The following POT1 variants were observed in gnomAD, a reference collection of about 807,000 sequenced individuals.
POT1 encodes protection of telomeres 1.
In POT1, 47 loss-of-function variants were observed where a neutral mutation model predicts 78.5. That is an observed-to-expected ratio of 0.60 (90% CI 0.47 to 0.76). POT1 has a LOEUF of 0.76. POT1 is among the 30% of genes least tolerant of loss of function. The pLI, the probability that POT1 is intolerant of heterozygous loss-of-function variation, is 0.00. For synonymous variants in POT1, 259 were observed against 260.7 expected (o/e 0.99, Z 0.06); for missense variants, 646 against 749.9 (o/e 0.86, Z 1.62).
intron 6 of POT1, among the ~76,000 whole-genome samples, chr7:124,873,947 G>A (rs1795929795): frequency 2.0e-5 from 3 of 152,156 alleles, no homozygotes; most frequent in Admixed American, 1.3e-4. Flanking sequence ...GAGCCACTGG[G>A]ATTAAGGGTG....
intron 16 of POT1, 56 bp from the exon 17 acceptor site, chr7:124,827,361 G>A: frequency 9.7e-7 from 1 of 1,029,192 alleles, no homozygotes; most frequent in Non-Finnish European, 1.4e-6. Flanking sequence ...TATTATCAAG[G>A]TAAAGTTAAA....
chr7:124,856,431 AAC>A (rs202177948), intron 9 of POT1, among the ~76,000 whole-genome samples: 5,258 of 151,684 alleles, frequency 0.035, 300 homozygotes, highest in African/African-American at 0.12. Context: ...CTTCACAGAA[AAC>A]ACAGTGCCAT....
chr7:124,882,976 G>C (rs921310504), intron 6 of POT1, among the ~76,000 whole-genome samples: 1 of 151,952 alleles, frequency 6.6e-6, no homozygotes, highest in Non-Finnish European at 1.5e-5. Flanking sequence ...AAAATTGATA[G>C]AATAGCTGGA....
chr7:124,834,934 TC>T (rs1266709854), intron 15 of POT1, among the ~76,000 whole-genome samples: 1 of 152,282 alleles, frequency 6.6e-6, no homozygotes. Context: ...TGAGTTCATG[TC>T]CTTGCCAGGC....
intron 2 of POT1, among the ~76,000 whole-genome samples, chr7:124,920,224 GC>G (rs1442420541): frequency 6.6e-6 from 1 of 151,968 alleles, no homozygotes; most frequent in Non-Finnish European, 1.5e-5. Context: ...GGATAAATAG[GC>G]TGCAACAAAA....
At chr7:124,833,282 C>T (rs1044347415) in intron 15 of POT1, among the ~76,000 whole-genome samples, 1 of 152,110 alleles carries the variant, frequency 6.6e-6, no homozygotes, top group Non-Finnish European at 1.5e-5. Flanking sequence ...CAATGCCTAA[C>T]AGTGACTTTA....
At chr7:124,851,489 T>C (rs1795304684) in intron 11 of POT1, among the ~76,000 whole-genome samples, 1 of 152,190 alleles carries the variant, frequency 6.6e-6, no homozygotes, top group Non-Finnish European at 1.5e-5. Context: ...CTAGTAACTA[T>C]GTATACATCT....
chr7:124,888,586 T>C lies in POT1; in HGVS notation c.124+3680A>G, dbSNP rs974994638. On this transcript the variant is annotated intron_variant, in intron 6 of 18. Transcript: ENST00000357628. The stretch of plus-strand genomic sequence containing the variant: ...GTTAATAAAGGCATAACTCATGTAA[T>C]TGTACTTTACTTTGTTGTACTTTGT... 2.6e-5 allele frequency among the ~76,000 whole-genome samples: 4 copies of C among 152,192 alleles called. No homozygotes were observed. The South Asian group carries it at 8.3e-4, about 32-fold the overall frequency.
rs904242272 is a variant in POT1, at chr7:124,841,128, G to A, written c.1214C>T (p.Ala405Val). The A allele has an allele frequency of 6.8e-6, 11 of 1,612,556 alleles. No individual in the cohort carries two copies. The Admixed American group carries it at 1.5e-4, about 22-fold the overall frequency. The part of the protein sequence containing the change: ...GDLDIIFQDG[A>V]TKTPDVKLQN... ...TAGCTTGACATCTGGGGTTTTAGTT[G>A]CACCATCCTGAAAAATTATATCCAA... Residue 405 changes from alanine to valine, a missense_variant, in exon 14 of 19, where the codon GCA (alanine) becomes GTA (valine). Transcript: ENST00000357628.
At chr7:124,886,837 A>T (rs989075566) in intron 6 of POT1, among the ~76,000 whole-genome samples, 4 of 152,274 alleles carry the variant, frequency 2.6e-5, no homozygotes, top group African/African-American at 9.6e-5. Flanking sequence ...ATAACAACTG[A>T]AAATTAATGT....
At chr7:124,864,066 A>G (rs964223179) in intron 7 of POT1, among the ~76,000 whole-genome samples, 2 of 152,204 alleles carry the variant, frequency 1.3e-5, no homozygotes, top group Admixed American at 6.6e-5. Flanking sequence ...AATGAAGCTC[A>G]GGCTAGAGTT....
rs2116567176 is a variant in POT1, at chr7:124,870,908, T to C, written c.255+3A>G. ...TATAAGTTCTAGACAATATGAATTA[T>C]ACCTTCAGCCTGTGAAAGCGAACAA... On this transcript the variant is annotated splice_donor_region_variant and intron_variant, in intron 7 of 18. Coordinates refer to ENST00000357628, the MANE Select transcript of POT1 (RefSeq NM_015450.3). 6.2e-7 allele frequency: 1 copy of C among 1,601,860 alleles called. No homozygotes were observed. Among genetic ancestry groups the C allele is most frequent in the Non-Finnish European group, 8.5e-7 (1 of 1,174,168 alleles).
chr7:124,884,479 A>C (rs1000972340), intron 6 of POT1, among the ~76,000 whole-genome samples: 9 of 152,142 alleles, frequency 5.9e-5, no homozygotes, highest in Non-Finnish European at 1.2e-4. Flanking sequence ...CTTTTCTAAA[A>C]TGAGTTTTAA....
At chr7:124,907,142 T>C (rs988866210) in intron 3 of POT1, among the ~76,000 whole-genome samples, 2 of 152,112 alleles carry the variant, frequency 1.3e-5, no homozygotes, top group Non-Finnish European at 2.9e-5. Context: ...TCAATGCATA[T>C]ACGAGTTATA....
At chr7:124,832,408 T>G (rs1370675559) in intron 15 of POT1, among the ~76,000 whole-genome samples, 1 of 152,086 alleles carries the variant, frequency 6.6e-6, no homozygotes. Flanking sequence ...AAGAATCAAT[T>G]AAAAGATATA....
intron 12 of POT1, 151 bp from the exon 13 acceptor site, chr7:124,843,114 A>G: frequency 1.9e-6 from 1 of 535,896 alleles, no homozygotes; most frequent in South Asian, 4.2e-5. Context: ...TTATTCCCTG[A>G]TGTATACCCA....
intron 6 of POT1, among the ~76,000 whole-genome samples, chr7:124,890,833 A>C (rs1426187646): frequency 6.6e-6 from 1 of 151,872 alleles, no homozygotes; most frequent in Non-Finnish European, 1.5e-5. Context: ...TAAATTTTAT[A>C]ATTTTCCTCC....
intron 5 of POT1, among the ~76,000 whole-genome samples, chr7:124,896,437 T>G (rs1331625307): frequency 6.6e-6 from 1 of 151,632 alleles, no homozygotes; most frequent in African/African-American, 2.4e-5. Context: ...TGGTAACAGT[T>G]CCCCCAAAAA....
chr7:124,915,500 T>C (rs1198318689), intron 3 of POT1, 74 bp downstream of exon 3: 2 of 152,112 alleles, frequency 1.3e-5, no homozygotes, highest in Non-Finnish European at 2.9e-5. Context: ...TACACACACA[T>C]ATATATATGA....
Sources: allele counts gnomAD v4.1 joint callset (sites outside exome capture counted in the v4.1 genomes callset), GRCh38; gene constraint gnomAD v4.1.1; transcripts MANE v1.5; gene names NCBI Gene and HGNC (gene_info 2026-07-23, HGNC 2026-07-21).